The following CPHXL2 variants were observed in gnomAD, a reference collection of about 807,000 sequenced individuals.
CPHXL2 encodes the protein cytoplasmic polyadenylated homeobox like 2.
At chr16:75,661,053 C>T in the CPHXL2 span, 1 of 400,806 alleles carries the variant, frequency 2.5e-6, no homozygotes. Context: ...CAGAAGGGAG[C>T]AACCAGGTCT....
At chr16:75,666,894 G>C in the CPHXL2 span, among the ~76,000 whole-genome samples, 4 of 152,136 alleles carry the variant, frequency 2.6e-5, no homozygotes, top group African/African-American at 9.7e-5. Context: ...TCAGACCACA[G>C]TGGAATAAAA....
chr16:75,666,661 G>A, the CPHXL2 span, among the ~76,000 whole-genome samples: 22,654 of 148,462 alleles, frequency 0.15, 3,346 homozygotes, highest in African/African-American at 0.39. Context: ...CACTGACAGC[G>A]CTAGACAGGT....
the CPHXL2 span, among the ~76,000 whole-genome samples, chr16:75,670,540 T>C: frequency 6.6e-6 from 1 of 152,168 alleles, no homozygotes. Flanking sequence ...AGATGGAGTC[T>C]CACTGTCGCC....
At chr16:75,668,222 T>C in the CPHXL2 span, among the ~76,000 whole-genome samples, 2 of 129,220 alleles carry the variant, frequency 1.5e-5, no homozygotes, top group South Asian at 2.5e-4. Context: ...TCTATATATA[T>C]ACATATATAT....
At chr16:75,669,702 C>T in the CPHXL2 span, 15 of 393,686 alleles carry the variant, frequency 3.8e-5, no homozygotes, top group East Asian at 5.0e-4. Flanking sequence ...AATAAAATTA[C>T]ACATGAAAGC....
the CPHXL2 span, among the ~76,000 whole-genome samples, chr16:75,668,231 ATTTT>A: frequency 1.3e-5 from 1 of 74,460 alleles, no homozygotes; most frequent in East Asian, 2.4e-4. Flanking sequence ...ATACATATAT[ATTTT>A]TTTTTTTTTT....
the CPHXL2 span, among the ~76,000 whole-genome samples, chr16:75,672,502 T>C: frequency 6.6e-6 from 1 of 152,130 alleles, no homozygotes; most frequent in Non-Finnish European, 1.5e-5. Flanking sequence ...TGTTTTGTTT[T>C]GTTTTTGAGA....
At chr16:75,671,219 G>T in the CPHXL2 span, among the ~76,000 whole-genome samples, 1 of 152,154 alleles carries the variant, frequency 6.6e-6, no homozygotes, top group Non-Finnish European at 1.5e-5. Context: ...AATTAGCCAG[G>T]CGTGGTGGTG....
At chr16:75,669,295 G>T in the CPHXL2 span, 2 of 389,488 alleles carry the variant, frequency 5.1e-6, no homozygotes, top group South Asian at 2.8e-4. Context: ...CAGACTGGGC[G>T]ACTGGAGTGA....
At chr16:75,670,468 T>C in the CPHXL2 span, among the ~76,000 whole-genome samples, 1 of 152,188 alleles carries the variant, frequency 6.6e-6, no homozygotes, top group East Asian at 1.9e-4. Flanking sequence ...TGTGTAAATA[T>C]TTGCTATTTT....
At chr16:75,666,844 C>T in the CPHXL2 span, among the ~76,000 whole-genome samples, 1 of 152,038 alleles carries the variant, frequency 6.6e-6, no homozygotes, top group East Asian at 1.9e-4. Context: ...AAACAAGTCT[C>T]AATAAATTTA....
the CPHXL2 span, among the ~76,000 whole-genome samples, chr16:75,676,537 G>C: frequency 6.6e-6 from 1 of 152,078 alleles, no homozygotes; most frequent in Non-Finnish European, 1.5e-5. Flanking sequence ...GCCTAGGCTT[G>C]TCTCAAACTT....
the CPHXL2 span, among the ~76,000 whole-genome samples, chr16:75,675,208 G>A: frequency 6.7e-6 from 1 of 150,010 alleles, no homozygotes; most frequent in East Asian, 2.0e-4. Context: ...AAAAAAAAGA[G>A]ATGGGGTTTC....
the CPHXL2 span, chr16:75,660,249 G>T: frequency 2.5e-6 from 1 of 398,352 alleles, no homozygotes; most frequent in South Asian, 1.3e-4. Flanking sequence ...ATGGTTCTGT[G>T]ATACTTAGCA....
At chr16:75,662,004 G>A in the CPHXL2 span, among the ~76,000 whole-genome samples, 1 of 152,272 alleles carries the variant, frequency 6.6e-6, no homozygotes, top group South Asian at 2.1e-4. Flanking sequence ...CCCACAGGTC[G>A]AGGGCTCAGT....
the CPHXL2 span, among the ~76,000 whole-genome samples, chr16:75,675,209 A>G: frequency 6.8e-5 from 10 of 147,446 alleles, no homozygotes; most frequent in African/African-American, 2.5e-4. Flanking sequence ...AAAAAAAGAG[A>G]TGGGGTTTCA....
At chr16:75,667,312 C>CA in the CPHXL2 span, among the ~76,000 whole-genome samples, 9,330 of 77,434 alleles carry the variant, frequency 0.12, 570 homozygotes, top group Middle Eastern at 0.23. Flanking sequence ...ACTCCATTTC[C>CA]AAAAAAAAAA....
At chr16:75,662,860 G>T in the CPHXL2 span, among the ~76,000 whole-genome samples, 1,124 of 149,550 alleles carry the variant, frequency 7.5e-3, 9 homozygotes, top group Non-Finnish European at 7.5e-3. Context: ...GTGCAGTGGC[G>T]CAGTGTCGGC....
the CPHXL2 span, among the ~76,000 whole-genome samples, chr16:75,672,949 A>G: frequency 6.6e-6 from 1 of 151,998 alleles, no homozygotes; most frequent in Non-Finnish European, 1.5e-5. Flanking sequence ...GTGTGGTGGC[A>G]CGTGCCTGTA....
Sources: gnomAD v4.1 joint callset for allele counts (sites outside exome capture counted in the v4.1 genomes callset) on GRCh38, gnomAD v4.1.1 for gene constraint, MANE v1.5 for transcripts, NCBI Gene and HGNC (gene_info 2026-07-23, HGNC 2026-07-21) for gene names.